ATF1: variants seen among roughly 807,000 people sequenced by gnomAD.
ATF1 encodes activating transcription factor 1, also known as cyclic AMP-dependent transcription factor ATF-1.
Under a neutral mutation model 34.7 loss-of-function variants are expected in ATF1, and 16 were observed. The ratio of observed to expected loss-of-function variants is 0.46; its 90% CI spans 0.31 to 0.70. The LOEUF is 0.70. Among genes scored for constraint, ATF1 ranks in the 30% least tolerant of loss-of-function variants. The pLI, the probability that ATF1 is intolerant of heterozygous loss-of-function variation, is 0.05. For missense variants in ATF1, 255 were observed against 321.6 expected (o/e 0.79, Z 1.58); for synonymous variants, 105 against 113.1 (o/e 0.93, Z 0.46).
rs939245738 is a variant in ATF1 at position 50,820,287 on chromosome 12, C to T, written c.*508C>T. 5.2e-6 allele frequency: 1 copy of T among 190,792 alleles called. No homozygotes were observed. Among genetic ancestry groups the T allele is most frequent in the East Asian group, 8.3e-5 (1 of 12,022 alleles). The allele number at this position is 190,792 out of a possible 1,614,324, so 11.8% of individuals were successfully genotyped here. ...TATGTTCTGATTATGTATACTTGTT[C>T]TAGTGTCAAGTCTTTTTAAGTGGGT... On this transcript the variant is annotated 3_prime_UTR_variant, in exon 7 of 7. Coordinates refer to ENST00000262053, the MANE Select transcript of ATF1 (RefSeq NM_005171.5).
chr12:50,777,149 C>T (rs1940945530), intron 1 of ATF1, among the ~76,000 whole-genome samples: 1 of 152,122 alleles, frequency 6.6e-6, no homozygotes, highest in Non-Finnish European at 1.5e-5. Context: ...CCACACTGCC[C>T]AGCCTATGTA....
intron 6 of ATF1, among the ~76,000 whole-genome samples, chr12:50,816,055 C>G (rs7966357): frequency 0.25 from 37,406 of 152,080 alleles, 5,425 homozygotes; most frequent in Non-Finnish European, 0.34. Context: ...AAAAATAGGG[C>G]TGGGCGTGGT....
chr12:50,819,987 A>C lies in ATF1; in HGVS notation c.*208A>C, dbSNP rs1391601219. 5.1e-6 allele frequency: 2 copies of C among 393,642 alleles called. No homozygotes were observed. The highest frequency in any genetic ancestry group is 4.2e-5 in the African/African-American group (2 of 47,952). 24.4% of individuals were successfully genotyped at this position (393,642 alleles called of 1,614,324 possible). ...CTACGGGCACAACTGGAAGCTTTGT[A>C]GAAATTAAACATATTCAAGGAGCAA... is the stretch of plus-strand genomic sequence containing the variant. On this transcript the variant is annotated 3_prime_UTR_variant, in exon 7 of 7. Transcript: ENST00000262053.
At chr12:50,815,108 T>TA (rs2139697686) in intron 6 of ATF1, among the ~76,000 whole-genome samples, 1 of 151,838 alleles carries the variant, frequency 6.6e-6, no homozygotes, top group African/African-American at 2.4e-5. Flanking sequence ...GGCAACAGAG[T>TA]GAGACTCTGT....
rs896995908 is a variant in ATF1, at chr12:50,797,274, C to G, written c.194+1265C>G. 4.6e-5 allele frequency among the ~76,000 whole-genome samples: 7 copies of G among 152,266 alleles called. No homozygotes were observed. In the East Asian group the frequency reaches 1.3e-3, roughly 29 times the overall value. On this transcript the variant is annotated intron_variant, in intron 3 of 6. Coordinates refer to ENST00000262053, the MANE Select transcript of ATF1 (RefSeq NM_005171.5). ...CAGCATAAGAAAGCAAGGTCCCAAACAAGATAAATTAATAGAAACCTACAT... is the reference window on the plus strand; with the variant it reads ...CAGCATAAGAAAGCAAGGTCCCAAAGAAGATAAATTAATAGAAACCTACAT...
intron 1 of ATF1, among the ~76,000 whole-genome samples, chr12:50,766,722 C>T (rs1565896525): frequency 6.7e-6 from 1 of 149,678 alleles, no homozygotes; most frequent in African/African-American, 2.5e-5. Flanking sequence ...TTGCTGCGTA[C>T]AAGCGGCTGC....
At chr12:50,814,257 A>T in intron 5 of ATF1, 23 bp from the exon 6 acceptor site, 1 of 1,613,940 alleles carries the variant, frequency 6.2e-7, no homozygotes, top group South Asian at 1.1e-5. Context: ...TAACTAACTC[A>T]TTCACTCTTG....
At chr12:50,787,011 G>A (rs1210069834) in intron 2 of ATF1, among the ~76,000 whole-genome samples, 4 of 152,200 alleles carry the variant, frequency 2.6e-5, no homozygotes, top group Non-Finnish European at 5.9e-5. Context: ...TTTGAAGCTG[G>A]TAGTACACTT....
chr12:50,813,407 T>G (rs1444424341), intron 4 of ATF1, among the ~76,000 whole-genome samples: 1 of 152,258 alleles, frequency 6.6e-6, no homozygotes, highest in Non-Finnish European at 1.5e-5. Context: ...ATTGAATTTT[T>G]TCCATAAGCA....
intron 3 of ATF1, among the ~76,000 whole-genome samples, chr12:50,805,400 T>C (rs1941595258): frequency 6.6e-6 from 1 of 151,150 alleles, no homozygotes; most frequent in African/African-American, 2.4e-5. Flanking sequence ...TACAAAAAAA[T>C]ACAAAAAATT....
At chr12:50,774,068 G>A (rs1940850046) in intron 1 of ATF1, among the ~76,000 whole-genome samples, 1 of 151,648 alleles carries the variant, frequency 6.6e-6, no homozygotes, top group African/African-American at 2.4e-5. Flanking sequence ...TTTCACTCTT[G>A]TTGCCCAGGC....
intron 1 of ATF1, 27 bp from the exon 2 acceptor site, chr12:50,780,113 T>A (rs1296953961): frequency 6.6e-7 from 1 of 1,515,966 alleles, no homozygotes; most frequent in Non-Finnish European, 9.1e-7. Flanking sequence ...CATATTTAAT[T>A]TTAACGGACT....
At chr12:50,792,409 T>G (rs1050798447) in intron 2 of ATF1, among the ~76,000 whole-genome samples, 3 of 152,236 alleles carry the variant, frequency 2.0e-5, no homozygotes, top group African/African-American at 7.2e-5. Context: ...ATTGATGTCA[T>G]TAAATGGATC....
intron 1 of ATF1, among the ~76,000 whole-genome samples, chr12:50,774,693 T>G (rs1230651728): frequency 6.9e-6 from 1 of 144,664 alleles, no homozygotes; most frequent in East Asian, 1.9e-4. Context: ...TACTGTTGTT[T>G]ATGAGATGAA....
chr12:50,764,332 T>A (rs1426025848), intron 1 of ATF1, 25 bp downstream of exon 1: 1 of 150,154 alleles, frequency 6.7e-6, no homozygotes, highest in Non-Finnish European at 1.5e-5. Context: ...GGGAGGGACG[T>A]GCCCCGTGGC....
chr12:50,804,702 TTGA>T (rs1175339180), intron 3 of ATF1, among the ~76,000 whole-genome samples: 2 of 152,144 alleles, frequency 1.3e-5, no homozygotes, highest in Admixed American at 6.5e-5. Flanking sequence ...ACAGTTGCAG[TTGA>T]TGATTTCAGT....
chr12:50,787,696 C>T (rs905889746), intron 2 of ATF1, among the ~76,000 whole-genome samples: 2 of 151,714 alleles, frequency 1.3e-5, no homozygotes, highest in African/African-American at 4.8e-5. Flanking sequence ...GAGCCAACAT[C>T]GCACCACTGC....
At chr12:50,784,216 A>C (rs1267015260) in intron 2 of ATF1, among the ~76,000 whole-genome samples, 1 of 152,186 alleles carries the variant, frequency 6.6e-6, no homozygotes, top group South Asian at 2.1e-4. Context: ...ATAATTCAGT[A>C]TAAACTGGGG....
intron 3 of ATF1, among the ~76,000 whole-genome samples, chr12:50,808,222 C>T (rs1336347375): frequency 6.6e-6 from 1 of 152,190 alleles, no homozygotes; most frequent in Admixed American, 6.6e-5. Flanking sequence ...ATCATATTTA[C>T]CTCTTTTTGT....
Sources: gnomAD v4.1 joint callset for allele counts (sites outside exome capture counted in the v4.1 genomes callset) on GRCh38, gnomAD v4.1.1 for gene constraint, MANE v1.5 for transcripts, NCBI Gene and HGNC (gene_info 2026-07-23, HGNC 2026-07-21) for gene names.